SMIM36: variants seen among roughly 807,000 people sequenced by gnomAD.
The protein encoded by SMIM36 is small integral membrane protein 36.
chr17:55,508,431 AATATATATATATATATAT>A (rs55879501), intron 1 of SMIM36, among the ~76,000 whole-genome samples: 4,948 of 114,252 alleles, frequency 0.043, 403 homozygotes, highest in African/African-American at 0.16. Context: ...TATTCCTAGG[AATATATATATATATATAT>A]ATATATATAT....
intron 1 of SMIM36, among the ~76,000 whole-genome samples, chr17:55,500,011 GT>G (rs997900810): frequency 4.0e-5 from 6 of 150,516 alleles, no homozygotes; most frequent in Middle Eastern, 3.4e-3. Context: ...CTGGGTTGTT[GT>G]TTTTTTTTCT....
chr17:55,520,594 C>A, the SMIM36 span, among the ~76,000 whole-genome samples: 2 of 152,218 alleles, frequency 1.3e-5, no homozygotes, highest in Admixed American at 6.5e-5. Context: ...ATGTACAGTG[C>A]GGATACAATG....
At chr17:55,516,673 C>T in the SMIM36 span, among the ~76,000 whole-genome samples, 1 of 151,618 alleles carries the variant, frequency 6.6e-6, no homozygotes, top group East Asian at 1.9e-4. Flanking sequence ...ATTCTCCTGC[C>T]TCAGCCCCCT....
chr17:55,501,423 ATATAT>A (rs1469493063), intron 1 of SMIM36, among the ~76,000 whole-genome samples: 1 of 23,588 alleles, frequency 4.2e-5, no homozygotes, highest in Non-Finnish European at 6.9e-5. Flanking sequence ...ATAAAATATA[ATATAT>A]TATTATATAT....
At chr17:55,466,912 CTTAAG>C (rs1416325625) in intron 4 of SMIM36, among the ~76,000 whole-genome samples, 1 of 152,174 alleles carries the variant, frequency 6.6e-6, no homozygotes, top group Admixed American at 6.5e-5. Context: ...CAAGGCTATT[CTTAAG>C]TTAATTAGTT....
intron 1 of SMIM36, among the ~76,000 whole-genome samples, chr17:55,481,906 A>C (rs1303955121): frequency 6.6e-6 from 1 of 152,292 alleles, no homozygotes; most frequent in East Asian, 1.9e-4. Flanking sequence ...TATGTTGCCC[A>C]GGCTTGTTTC....
chr17:55,510,936 G>C, exon 1 of SMIM36: 1 of 396,450 alleles, frequency 2.5e-6, no homozygotes, highest in Non-Finnish European at 4.4e-6. Flanking sequence ...GTAAGACAGA[G>C]CTCTCACTTC....
At chr17:55,519,860 T>C in the SMIM36 span, among the ~76,000 whole-genome samples, 1 of 152,248 alleles carries the variant, frequency 6.6e-6, no homozygotes, top group East Asian at 1.9e-4. Flanking sequence ...TTTAGGGTTG[T>C]AAATCACCTA....
At chr17:55,519,605 A>G in the SMIM36 span, among the ~76,000 whole-genome samples, 1 of 152,228 alleles carries the variant, frequency 6.6e-6, no homozygotes, top group African/African-American at 2.4e-5. Flanking sequence ...ATAATAAAAA[A>G]TCTGCAGGGG....
chr17:55,491,580 A>G (rs1452688661), intron 1 of SMIM36, among the ~76,000 whole-genome samples: 5 of 152,184 alleles, frequency 3.3e-5, no homozygotes, highest in Non-Finnish European at 7.3e-5. Context: ...AGAAGTAAAC[A>G]TTTAATTAAG....
upstream of SMIM36, among the ~76,000 whole-genome samples, chr17:55,516,107 G>GA (rs1910271779): frequency 6.6e-6 from 1 of 152,220 alleles, no homozygotes; most frequent in African/African-American, 2.4e-5. Flanking sequence ...GCACTTGGCT[G>GA]GAAGCCCCTG....
At chr17:55,501,882 C>G (rs1399587361) in intron 1 of SMIM36, among the ~76,000 whole-genome samples, 1 of 100,454 alleles carries the variant, frequency 1.0e-5, no homozygotes, top group African/African-American at 5.6e-5. Context: ...GCACAGTGCG[C>G]GAGCCGAAGC....
At chr17:55,476,136 A>C (rs1909422270) in intron 3 of SMIM36, among the ~76,000 whole-genome samples, 1 of 152,212 alleles carries the variant, frequency 6.6e-6, no homozygotes. Flanking sequence ...GCATGTATAC[A>C]TCCAGATGGC....
At chr17:55,512,688 G>GGA (rs1458151336), upstream of SMIM36, among the ~76,000 whole-genome samples, 11 of 152,220 alleles carry the variant, frequency 7.2e-5, no homozygotes, top group Non-Finnish European at 1.6e-4. Context: ...CTCTGCTGTT[G>GGA]CCATCTTGAA....
At chr17:55,494,633 T>C (rs192493621) in intron 1 of SMIM36, among the ~76,000 whole-genome samples, 1 of 152,306 alleles carries the variant, frequency 6.6e-6, no homozygotes, top group East Asian at 1.9e-4. Flanking sequence ...TATGTGTATA[T>C]GTAATATGTA....
chr17:55,472,772 G>A (rs1279290159), intron 3 of SMIM36, among the ~76,000 whole-genome samples: 2 of 151,782 alleles, frequency 1.3e-5, no homozygotes, highest in Non-Finnish European at 2.9e-5. Flanking sequence ...GGAGGCTGAG[G>A]CAGGAGAATT....
chr17:55,497,114 C>T (rs908713627), intron 1 of SMIM36, among the ~76,000 whole-genome samples: 2 of 152,046 alleles, frequency 1.3e-5, no homozygotes, highest in African/African-American at 4.8e-5. Context: ...AATATCTTTC[C>T]TTTGTGATTT....
At chr17:55,484,839 C>T (rs1358481660) in intron 1 of SMIM36, among the ~76,000 whole-genome samples, 3 of 152,280 alleles carry the variant, frequency 2.0e-5, no homozygotes, top group South Asian at 2.1e-4. Flanking sequence ...AGATGACTGA[C>T]CTGGCTTCTG....
chr17:55,465,242 T>A (rs924443156), intron 4 of SMIM36, among the ~76,000 whole-genome samples: 1 of 152,188 alleles, frequency 6.6e-6, no homozygotes, highest in Non-Finnish European at 1.5e-5. Context: ...CATTTTGGAG[T>A]CAGACAGGCT....
Sources: gnomAD v4.1 joint callset for allele counts (sites outside exome capture counted in the v4.1 genomes callset) on GRCh38, gnomAD v4.1.1 for gene constraint, MANE v1.5 for transcripts, NCBI Gene and HGNC (gene_info 2026-07-23, HGNC 2026-07-21) for gene names.